Variants in TOGARAM2 observed in about 807,000 individuals in gnomAD.
TOGARAM2 encodes TOG array regulator of axonemal microtubules protein 2.
A neutral mutation model predicts 93.3 loss-of-function variants in TOGARAM2; 85 were observed. That is an observed-to-expected ratio of 0.91 (90% CI 0.76 to 1.09). The LOEUF (loss-of-function observed/expected upper bound fraction) is 1.09. TOGARAM2 is among the 50% of genes least tolerant of loss of function. The pLI, the probability that TOGARAM2 is intolerant of heterozygous loss-of-function variation, is 0.00. For missense variants in TOGARAM2, 1,277 were observed against 1,334.5 expected, an observed-to-expected ratio of 0.96 and a Z score of 0.67; for synonymous variants, 593 against 552.8, an observed-to-expected ratio of 1.07 and a Z score of -1.02.
At chr2:28,993,562 C>T (rs1386867853) in intron 1 of TOGARAM2, among the ~76,000 whole-genome samples, 2 of 152,240 alleles carry the variant, frequency 1.3e-5, no homozygotes, top group African/African-American at 4.8e-5. Context: ...CGTGTGGCCA[C>T]ATCCTTATCC....
At chr2:28,957,575 T>C (rs1053105303) in intron 1 of TOGARAM2, among the ~76,000 whole-genome samples, 1 of 152,204 alleles carries the variant, frequency 6.6e-6, no homozygotes. Context: ...AATTGGGAAA[T>C]TGTGGCTCTT....
intron 1 of TOGARAM2, among the ~76,000 whole-genome samples, chr2:28,958,263 G>A (rs1671753345): frequency 6.6e-6 from 1 of 151,636 alleles, no homozygotes; most frequent in Non-Finnish European, 1.5e-5. Flanking sequence ...CTTTTCAGGT[G>A]TCTCCAAATG....
chr2:29,030,700 T>G (rs528982122), intron 14 of TOGARAM2, among the ~76,000 whole-genome samples: 11 of 152,336 alleles, frequency 7.2e-5, no homozygotes, highest in African/African-American at 2.4e-4. Context: ...ATTCTGCCCC[T>G]GACTGCCACC....
At chr2:29,035,677 C>G in intron 17 of TOGARAM2, 21 bp downstream of exon 17, 1 of 1,374,336 alleles carries the variant, frequency 7.3e-7, no homozygotes. Flanking sequence ...CTTGCTTTTA[C>G]TCTCCCACCT....
rs367682385 is a variant in TOGARAM2, at chr2:28,998,184, C to T, written c.70C>T (p.Pro24Ser). 3.7e-6 allele frequency: 6 copies of T among 1,611,818 alleles called. No individual in the cohort carries two copies. The highest frequency in any genetic ancestry group is 1.3e-5 in the African/African-American group (1 of 74,908). The change falls in exon 3 of 20, where the codon CCT becomes TCT. Residue 24 changes from proline (P) to serine (S), a missense_variant. Pro to Ser is a moderately conservative substitution (Grantham distance 74). Coordinates refer to ENST00000379558, the MANE Select transcript of TOGARAM2 (RefSeq NM_199280.4). ...VPVAVYCGSI[P>S]RTSAGPRVLP... is the part of the protein sequence containing the mutation. ...CGTGGCCGTGTACTGCGGGAGCATC[C>T]CTCGGACCAGTGCTGGGCCCCGGGT...
chr2:29,004,005 T>C (rs1295918321), intron 6 of TOGARAM2, among the ~76,000 whole-genome samples: 1 of 152,220 alleles, frequency 6.6e-6, no homozygotes, highest in Non-Finnish European at 1.5e-5. Context: ...ATCTCATATA[T>C]ATAATTTTGA....
At chr2:29,007,069 T>C (rs939868182) in intron 6 of TOGARAM2, among the ~76,000 whole-genome samples, 3 of 152,214 alleles carry the variant, frequency 2.0e-5, no homozygotes, top group Non-Finnish European at 4.4e-5. Flanking sequence ...AGTTCTGCCA[T>C]TCCCAAAATT....
chr2:29,051,508 A>T (rs1217393376), intron 19 of TOGARAM2: 1 of 355,420 alleles, frequency 2.8e-6, no homozygotes, highest in East Asian at 4.4e-5. Context: ...AAAAATATTT[A>T]AAAATTATAG....
chr2:28,963,033 GC>G (rs535965700), intron 1 of TOGARAM2, among the ~76,000 whole-genome samples: 123 of 151,826 alleles, frequency 8.1e-4, no homozygotes, highest in African/African-American at 2.9e-3. Flanking sequence ...TCCCTATGTT[GC>G]CCAGGCTAGT....
At chr2:28,958,842 G>A (rs572480104) in intron 1 of TOGARAM2, among the ~76,000 whole-genome samples, 1 of 152,328 alleles carries the variant, frequency 6.6e-6, no homozygotes, top group East Asian at 1.9e-4. Flanking sequence ...TTTTATCCCA[G>A]CCTTCTGGGA....
At chr2:28,969,837 A>C (rs929106398) in intron 1 of TOGARAM2, among the ~76,000 whole-genome samples, 7 of 90,994 alleles carry the variant, frequency 7.7e-5, no homozygotes, top group African/African-American at 3.1e-4. Context: ...TTTGAGACGG[A>C]GTTTCGCTCT....
At chr2:28,971,982 T>C (rs998742472) in intron 1 of TOGARAM2, among the ~76,000 whole-genome samples, 1 of 152,214 alleles carries the variant, frequency 6.6e-6, no homozygotes, top group South Asian at 2.1e-4. Flanking sequence ...GATTTGGAAA[T>C]TGCTTCATAC....
intron 17 of TOGARAM2, among the ~76,000 whole-genome samples, chr2:29,035,919 G>C (rs1401059565): frequency 6.6e-6 from 1 of 152,160 alleles, no homozygotes; most frequent in Non-Finnish European, 1.5e-5. Flanking sequence ...AGGATACTGT[G>C]GTGAGGCCTT....
chr2:28,995,256 C>A (rs1214842948), intron 2 of TOGARAM2, among the ~76,000 whole-genome samples: 1 of 152,196 alleles, frequency 6.6e-6, no homozygotes, highest in Non-Finnish European at 1.5e-5. Flanking sequence ...GTAGTGGGAG[C>A]AGTGTGTGGC....
chr2:29,024,759 G>A (rs1665234870), intron 13 of TOGARAM2, among the ~76,000 whole-genome samples: 1 of 152,162 alleles, frequency 6.6e-6, no homozygotes, highest in Admixed American at 6.5e-5. Flanking sequence ...CTGTGGGAGC[G>A]CCCCGGGAGA....
intron 2 of TOGARAM2, 48 bp from the exon 3 acceptor site, chr2:28,998,095 G>T: frequency 7.5e-7 from 1 of 1,325,070 alleles, no homozygotes; most frequent in Non-Finnish European, 1.0e-6. Context: ...TCCCAGTCTT[G>T]GCCTTGGAGG....
Position 28,999,262 on chromosome 2 carries a change from G to A in TOGARAM2, c.221G>A (p.Gly74Asp). The A allele has an allele frequency of 6.2e-7, 1 of 1,613,894 alleles. No homozygotes were observed. The highest frequency in any genetic ancestry group is 1.1e-5 in the South Asian group (1 of 91,044). Residue 74 changes from glycine to aspartate, a missense_variant, in exon 4 of 20, where the codon GGC becomes GAC. Coordinates refer to ENST00000379558, the MANE Select transcript of TOGARAM2 (RefSeq NM_199280.4). ...QLLRGLGQLG[G>D]LKLDTPSKGW... ...CTGCGTGGACTCGGACAGCTGGGTG[G>A]CCTCAAGCTGGACACCCCTTCCAAG...
chr2:29,004,854 T>C (rs972872014), intron 6 of TOGARAM2, among the ~76,000 whole-genome samples: 28 of 151,156 alleles, frequency 1.9e-4, no homozygotes, highest in African/African-American at 6.4e-4. Flanking sequence ...TGCATCTGTG[T>C]GGAGTTGTGT....
intron 1 of TOGARAM2, among the ~76,000 whole-genome samples, chr2:28,984,567 C>T (rs1333738606): frequency 5.3e-5 from 8 of 152,214 alleles, no homozygotes; most frequent in Admixed American, 3.9e-4. Flanking sequence ...TTACAGTCTA[C>T]AGTTTGAAGA....
Sources: gnomAD v4.1 joint callset for allele counts (sites outside exome capture counted in the v4.1 genomes callset) on GRCh38, gnomAD v4.1.1 for gene constraint, MANE v1.5 for transcripts, NCBI Gene and HGNC (gene_info 2026-07-23, HGNC 2026-07-21) for gene names.